PAM: variants seen among roughly 807,000 people sequenced by gnomAD.
The protein encoded by PAM is peptidyl-glycine alpha-amidating monooxygenase.
Under a neutral mutation model 122.1 loss-of-function variants are expected in PAM, and 72 were observed. The observed-to-expected ratio is 0.59, with a 90% CI of 0.49 to 0.72. The LOEUF (loss-of-function observed/expected upper bound fraction) is 0.72, where lower values mean the gene tolerates loss of function less well. Among genes scored for constraint, PAM ranks in the 30% least tolerant of loss-of-function variants. The probability of loss-of-function intolerance (pLI) is 0.00; values close to 1 mark genes in which losing one functional copy is unlikely to be tolerated. For missense variants in PAM, 1,106 were observed against 1,183.7 expected, an observed-to-expected ratio of 0.93 and a Z score of 0.96; for synonymous variants, 389 against 404.4, an observed-to-expected ratio of 0.96 and a Z score of 0.46.
chr5:102,814,586 C>T (rs569720711), intron 1 of PAM, among the ~76,000 whole-genome samples: 53 of 145,878 alleles, frequency 3.6e-4, no homozygotes, highest in Admixed American at 2.9e-3. Flanking sequence ...TTGATATATA[C>T]ATATATATTG....
chr5:102,876,766 T>C (rs1237327504), intron 3 of PAM, among the ~76,000 whole-genome samples: 1 of 152,252 alleles, frequency 6.6e-6, no homozygotes, highest in Non-Finnish European at 1.5e-5. Flanking sequence ...TGGAAATTAC[T>C]GAAGCTATGA....
chr5:102,880,559 A>G (rs548429904), intron 3 of PAM, among the ~76,000 whole-genome samples: 1 of 152,160 alleles, frequency 6.6e-6, no homozygotes, highest in African/African-American at 2.4e-5. Flanking sequence ...ATTAAGGACC[A>G]TTTTTTCTGC....
At chr5:103,025,451 GCTCTCTACCA>G (rs55708255) in intron 24 of PAM, 117 bp downstream of exon 24, 27,708 of 817,028 alleles carry the variant, frequency 0.034, 672 homozygotes, top group South Asian at 0.071. Flanking sequence ...TGTTTTTAAT[GCTCTCTACCA>G]TTTTTGACAT....
At chr5:102,900,133 C>A (rs961079610) in intron 3 of PAM, among the ~76,000 whole-genome samples, 12 of 150,708 alleles carry the variant, frequency 8.0e-5, no homozygotes, top group African/African-American at 2.7e-4. Context: ...TTGGCTAGAA[C>A]AAATAATAAA....
intron 1 of PAM, among the ~76,000 whole-genome samples, chr5:102,841,731 C>T (rs1370013311): frequency 3.3e-5 from 5 of 151,786 alleles, no homozygotes; most frequent in African/African-American, 7.3e-5. Flanking sequence ...TTCTTGAACT[C>T]GAAAATATAG....
chr5:102,990,203 C>T, intron 15 of PAM, 69 bp from the exon 16 acceptor site: 2 of 1,196,894 alleles, frequency 1.7e-6, no homozygotes, highest in East Asian at 5.0e-5. Context: ...CTTCTTGTAA[C>T]TATTATGAAT....
At chr5:102,767,996 G>A (rs192096535) in intron 1 of PAM, among the ~76,000 whole-genome samples, 78 of 152,222 alleles carry the variant, frequency 5.1e-4, no homozygotes, top group African/African-American at 1.6e-3. Context: ...CAAGCTTGTC[G>A]TGTGGGAATT....
chr5:102,835,438 T>C (rs1466042591), intron 1 of PAM, among the ~76,000 whole-genome samples: 4 of 152,292 alleles, frequency 2.6e-5, no homozygotes, highest in Admixed American at 2.6e-4. Context: ...TTAATTGTTA[T>C]TGATTCTTTA....
At chr5:102,859,369 TGTC>T (rs1783493032) in intron 1 of PAM, among the ~76,000 whole-genome samples, 2 of 151,440 alleles carry the variant, frequency 1.3e-5, no homozygotes, top group Non-Finnish European at 2.9e-5. Flanking sequence ...TGTGTGTGTG[TGTC>T]TTCACTTTTA....
intron 1 of PAM, among the ~76,000 whole-genome samples, chr5:102,783,881 A>G (rs1759722777): frequency 6.6e-6 from 1 of 151,842 alleles, no homozygotes; most frequent in African/African-American, 2.4e-5. Flanking sequence ...CAAGTTCAAA[A>G]TTCTTCATGA....
At chr5:103,018,994 C>A (rs1221027873) in intron 22 of PAM, among the ~76,000 whole-genome samples, 5 of 152,170 alleles carry the variant, frequency 3.3e-5, no homozygotes, top group Non-Finnish European at 7.3e-5. Flanking sequence ...TGACAGGAGG[C>A]AGAGCTCAGG....
intron 15 of PAM, 112 bp downstream of exon 15, chr5:102,974,548 C>A: frequency 4.5e-6 from 3 of 665,630 alleles, no homozygotes; most frequent in East Asian, 2.7e-5. Context: ...ATGAAAAGGA[C>A]TTATCATTAG....
In PAM at chr5:102,949,886, T is replaced by C; in HGVS notation, c.725-16T>C. 1.5e-6 allele frequency: 2 copies of C among 1,335,964 alleles called. No individual in the cohort carries two copies. Among genetic ancestry groups the C allele is most frequent in the East Asian group, 2.3e-5 (1 of 43,044 alleles). 82.8% of individuals were successfully genotyped at this position (1,335,964 alleles called of 1,614,324 possible). A position where few individuals can be genotyped will look rare whatever the true frequency, so the allele number is the denominator to read the frequency against. On this transcript the variant is annotated splice_polypyrimidine_tract_variant and intron_variant, in intron 10 of 25. Transcript: ENST00000438793. ...ACCTTATTATATTAAATGATTAAAA[T>C]TTGTGTTTATTACAGGTAAGGTAGT...
At chr5:102,879,362 G>A (rs1001637755) in intron 3 of PAM, among the ~76,000 whole-genome samples, 1 of 152,134 alleles carries the variant, frequency 6.6e-6, no homozygotes, top group Non-Finnish European at 1.5e-5. Context: ...AGTCCTTCAA[G>A]CTGCATTCAT....
intron 7 of PAM, among the ~76,000 whole-genome samples, chr5:102,932,557 G>T (rs1381699273): frequency 6.8e-6 from 1 of 147,980 alleles, no homozygotes; most frequent in African/African-American, 2.5e-5. Context: ...ATGTATGTGT[G>T]TGTATGTATA....
At chr5:102,869,360 C>T (rs1239642654) in intron 3 of PAM, among the ~76,000 whole-genome samples, 2 of 151,792 alleles carry the variant, frequency 1.3e-5, no homozygotes, top group African/African-American at 4.9e-5. Context: ...AAACTAACAC[C>T]ATAGAGGGCA....
At chr5:102,906,349 T>C (rs1799548088) in intron 4 of PAM, among the ~76,000 whole-genome samples, 1 of 151,696 alleles carries the variant, frequency 6.6e-6, no homozygotes, top group Non-Finnish European at 1.5e-5. Context: ...AAGATCACTA[T>C]GAGTTGGTCT....
intron 1 of PAM, among the ~76,000 whole-genome samples, chr5:102,776,403 C>A (rs1757188309): frequency 6.6e-6 from 1 of 152,032 alleles, no homozygotes; most frequent in Non-Finnish European, 1.5e-5. Flanking sequence ...GTCATGAAAT[C>A]TTTTCCCATG....
chr5:102,946,920 CT>C, intron 8 of PAM, 35 bp downstream of exon 8: 1 of 1,385,996 alleles, frequency 7.2e-7, no homozygotes, highest in African/African-American at 1.4e-5. Context: ...GGAGCAGCAA[CT>C]TTAACATCTT....
Sources: allele counts gnomAD v4.1 joint callset (sites outside exome capture counted in the v4.1 genomes callset), GRCh38; gene constraint gnomAD v4.1.1; transcripts MANE v1.5; gene names NCBI Gene and HGNC (gene_info 2026-07-23, HGNC 2026-07-21).